The following SCN4A variants were observed in gnomAD, a reference collection of about 807,000 sequenced individuals.
SCN4A encodes sodium channel protein type 4 subunit alpha.
A neutral mutation model predicts 162.0 loss-of-function variants in SCN4A; 83 were observed. That is an observed-to-expected ratio of 0.51 (90% CI 0.43 to 0.61). SCN4A has a LOEUF of 0.61. Among genes scored for constraint, SCN4A ranks in the 20% least tolerant of loss-of-function variants. SCN4A has a pLI of 0.00. For synonymous variants in SCN4A, 944 were observed against 985.1 expected (o/e 0.96, Z 0.78); for missense variants, 2,196 against 2,462.5 (o/e 0.89, Z 2.29).
Position 63,950,588 on chromosome 17 carries a change from T to A in SCN4A, c.2853+836A>T, listed in dbSNP as rs1908876135. Among the ~76,000 whole-genome samples the A allele has an allele frequency of 6.6e-6, 1 of 152,106 alleles. No homozygotes were observed. The highest frequency in any genetic ancestry group is 2.1e-4 in the South Asian group (1 of 4,824). On this transcript the variant is annotated intron_variant, in intron 14 of 23. Transcript: ENST00000435607. This position sits in a 1 kb window ranked among gnomAD's most constrained non-coding sequence, Gnocchi z 4.6. ...GGTAAGCCAGCATATTTGGGGGGAA[T>A]AAGGAGTCAAAAGCTTTCAGGGCAA...
chr17:63,964,764 C>A (rs1432337996), intron 8 of SCN4A, 87 bp from the exon 9 acceptor site: 1 of 1,022,892 alleles, frequency 9.8e-7, no homozygotes, highest in African/African-American at 1.6e-5. Context: ...CCATTGCCCG[C>A]ATGGGTAAGC....
rs979310627 is a variant in SCN4A at position 63,940,304 on chromosome 17, G to A, written c.*467C>T. 1 of 159,956 alleles carries A rather than the reference G, an allele frequency of 6.3e-6. No individual in the cohort carries two copies. The highest frequency in any genetic ancestry group is 1.4e-5 in the Non-Finnish European group (1 of 73,794). The allele number at this position is 159,956 out of a possible 1,614,324, so 9.9% of individuals were successfully genotyped here. ...CTGGGGTTAGGTGTCTGCACTCCCT[G>A]AGGTTAAGACATCTTTGTCTGGGCT... On this transcript the variant is annotated 3_prime_UTR_variant, in exon 24 of 24. Transcript: ENST00000435607.
intron 9 of SCN4A, 138 bp downstream of exon 9, chr17:63,964,330 C>T: frequency 1.5e-6 from 1 of 678,736 alleles, no homozygotes; most frequent in Non-Finnish European, 2.5e-6. Context: ...CAGCCCAGGG[C>T]CTTCTGCTCC....
rs941182298 is a variant in SCN4A, at chr17:63,972,308, C to T, written c.392+44G>A. 1 of 1,595,812 alleles carries T rather than the reference C, an allele frequency of 6.3e-7. No individual in the cohort carries two copies. Among genetic ancestry groups the T allele is most frequent in the Non-Finnish European group, 8.6e-7 (1 of 1,167,502 alleles). ...TCCTGGGCCACAGCACCCCATCTCG[C>T]CCATCCCTAACCCCTCCCGCCTCTC... On this transcript the variant is annotated intron_variant, in intron 2 of 23. Transcript: ENST00000435607. The surrounding 1 kb of genome is among the most constrained non-coding windows in gnomAD (Gnocchi z 4.3).
In SCN4A at chr17:63,945,465, G is replaced by A. The variant is rs1181083611; in HGVS notation, c.3615C>T (p.Asn1205=). The change falls in exon 19 of 24, where the codon AAC becomes AAT. Residue 1205 remains asparagine, a synonymous_variant. Transcript: ENST00000435607. The surrounding 1 kb of genome is among the most constrained non-coding windows in gnomAD (Gnocchi z 4.4). ...GCATGAGGCTCTCGCACTCAGACTT[G>A]TTGTTGACCTCGGAGATGTCGAACC... ...SERFDISEVN[N]KSECESLMHT... is the part of the protein sequence containing the mutation. 6.2e-7 allele frequency: 1 copy of A among 1,613,876 alleles called. No homozygotes were observed. The highest frequency in any genetic ancestry group is 1.3e-5 in the African/African-American group (1 of 74,928).
rs560864367 is a variant in SCN4A at position 63,944,375 on chromosome 17, C to T, written c.3912+298G>A. ...TTTACCACGTTAGCCAGGGTGGTCT[C>T]GAACTCCTGACCTTGTGATCCGCCC... is the stretch of plus-strand genomic sequence containing the variant. On this transcript the variant is annotated intron_variant, in intron 21 of 23. Coordinates refer to ENST00000435607, the MANE Select transcript of SCN4A (RefSeq NM_000334.4). This position sits in a 1 kb window ranked among gnomAD's most constrained non-coding sequence, Gnocchi z 4.3. 2.0e-5 allele frequency among the ~76,000 whole-genome samples: 3 copies of T among 152,148 alleles called. No homozygotes were observed. Among genetic ancestry groups the T allele is most frequent in the South Asian group, 2.1e-4 (1 of 4,818 alleles).
At chr17:63,963,368 A>G (rs1386973855) in intron 10 of SCN4A, among the ~76,000 whole-genome samples, 1 of 152,224 alleles carries the variant, frequency 6.6e-6, no homozygotes, top group African/African-American at 2.4e-5. Context: ...GCCCTCCCGG[A>G]AGCCCCCAGT....
In SCN4A at chr17:63,957,152, C is replaced by T. The variant is rs1194053149; in HGVS notation, c.2376+10G>A. On this transcript the variant is annotated intron_variant, in intron 13 of 23. Coordinates refer to ENST00000435607, the MANE Select transcript of SCN4A (RefSeq NM_000334.4). Reference sequence around the variant, plus strand: ...GTGAGGGCAGGGGCCACCCAGCCAGCCTCACTCACCACAAGATTGCCGATG... The same window carrying T: ...GTGAGGGCAGGGGCCACCCAGCCAGTCTCACTCACCACAAGATTGCCGATG... 45 of 1,553,966 alleles carry T rather than the reference C, an allele frequency of 2.9e-5. No individual in the cohort carries two copies. The highest frequency in any genetic ancestry group is 3.5e-5 in the Non-Finnish European group (40 of 1,142,054).
chr17:63,945,075 T>C lies in SCN4A; in HGVS notation c.3721-15A>G. On this transcript the variant is annotated splice_polypyrimidine_tract_variant and intron_variant, in intron 19 of 23. Transcript: ENST00000435607. This position sits in a 1 kb window ranked among gnomAD's most constrained non-coding sequence, Gnocchi z 4.4. ...TTGAAGGTGGCCTGAGAGAGTGTGG[T>C]TGGGGAGTGAGCCGGGGGGCTGCTC... 6.2e-7 allele frequency: 1 copy of C among 1,611,944 alleles called. No individual in the cohort carries two copies. Among genetic ancestry groups the C allele is most frequent in the Non-Finnish European group, 8.5e-7 (1 of 1,178,992 alleles).
In SCN4A at chr17:63,947,085, A is replaced by G. The variant is rs1214719126; in HGVS notation, c.3401T>C (p.Leu1134Pro). 2.1e-6 allele frequency: 3 copies of G among 1,445,900 alleles called. No individual in the cohort carries two copies. Among genetic ancestry groups the G allele is most frequent in the Non-Finnish European group, 1.9e-6 (2 of 1,075,582 alleles). 89.6% of individuals were successfully genotyped at this position (1,445,900 alleles called of 1,614,324 possible). A position where few individuals can be genotyped will look rare whatever the true frequency, so the allele number is the denominator to read the frequency against. ...PIKSLRTLRA[L>P]RPLRALSRFE... Reference sequence around the variant, plus strand: ...TCGGGACAGTGCCCTCAGGGGACGCAGGGCCCGCAGTGTCCGCAGGGATTT... The same window carrying G: ...TCGGGACAGTGCCCTCAGGGGACGCGGGGCCCGCAGTGTCCGCAGGGATTT... The change falls in exon 18 of 24, where the codon CTG becomes CCG. Residue 1134 changes from leucine (L) to proline (P), a missense_variant. Leu to Pro is a moderately conservative substitution (Grantham distance 98). Coordinates refer to ENST00000435607, the MANE Select transcript of SCN4A (RefSeq NM_000334.4).
Position 63,966,492 on chromosome 17 carries a change from G to A in SCN4A, c.1089C>T (p.Ser363=), listed in dbSNP as rs1300922416. The stretch of plus-strand genomic sequence containing the variant: ...TTAGCATCACTCACCCAGCATCACT[G>A]CTGTTCCCACAGAGCAGGGCATCGT... ...GSNDALLCGN[S]SDAGHCPEGY... is the part of the protein sequence containing the mutation. The change falls in exon 7 of 24, where the codon AGC becomes AGT. Residue 363 remains serine (S), a synonymous_variant. Transcript: ENST00000435607. 2 of 1,613,664 alleles carry A rather than the reference G, an allele frequency of 1.2e-6. No homozygotes were observed. The highest frequency in any genetic ancestry group is 1.3e-5 in the African/African-American group (1 of 74,932).
intron 23 of SCN4A, 92 bp from the exon 24 acceptor site, chr17:63,942,085 G>T: frequency 7.9e-7 from 1 of 1,261,224 alleles, no homozygotes; most frequent in Non-Finnish European, 1.1e-6. Flanking sequence ...GCCCGGCCTG[G>T]TGTGCTCTGC....
chr17:63,946,998 C>G (rs1567818710), intron 18 of SCN4A, 47 bp downstream of exon 18: 1 of 1,507,492 alleles, frequency 6.6e-7, no homozygotes, highest in Non-Finnish European at 9.0e-7. Flanking sequence ...GTGAAGGTGG[C>G]CGGTCCCCCA....
intron 14 of SCN4A, 82 bp from the exon 15 acceptor site, chr17:63,949,610 A>C: frequency 6.9e-7 from 1 of 1,443,894 alleles, no homozygotes; most frequent in Non-Finnish European, 9.3e-7. Flanking sequence ...AGGATGGGAG[A>C]CCAGAAGGGA....
chr17:63,958,296 G>A (rs1909135982), intron 12 of SCN4A, among the ~76,000 whole-genome samples: 1 of 151,928 alleles, frequency 6.6e-6, no homozygotes, highest in Non-Finnish European at 1.5e-5. Context: ...GGTCAAGGCT[G>A]CAGTGAGCAG....
intron 23 of SCN4A, 44 bp downstream of exon 23, chr17:63,942,782 C>A (rs1338729047): frequency 1.3e-6 from 2 of 1,584,592 alleles, no homozygotes; most frequent in Admixed American, 1.7e-5. Context: ...TTCCCGAGTG[C>A]CTCAGCTCAG....
chr17:63,949,345 G>C lies in SCN4A; in HGVS notation c.2989+48C>G, dbSNP rs1379132013. ...CTGGTGTAGCCTGCCCCTTGCAGGG[G>C]CTGCAGGCCTGGGGGAGACACCCAG... On this transcript the variant is annotated intron_variant, in intron 15 of 23. Coordinates refer to ENST00000435607, the MANE Select transcript of SCN4A (RefSeq NM_000334.4). The C allele has an allele frequency of 2.0e-6, 3 of 1,525,744 alleles. No individual in the cohort carries two copies. The African/African-American group carries it at 4.1e-5, about 21-fold the overall frequency. The allele number at this position is 1,525,744 out of a possible 1,614,324, so 94.5% of individuals were successfully genotyped here. A position where few individuals can be genotyped will look rare whatever the true frequency, so the allele number is the denominator to read the frequency against.
intron 13 of SCN4A, among the ~76,000 whole-genome samples, chr17:63,952,867 T>G (rs1371882009): frequency 1.3e-5 from 2 of 152,050 alleles, no homozygotes; most frequent in African/African-American, 4.8e-5. Context: ...AGAGAGCAGA[T>G]CAATCACATG....
In SCN4A at chr17:63,947,197, G is replaced by A. The variant is rs780606748; in HGVS notation, c.3319-30C>T. ...AGGGGAGGGGTGAGGGGATCAGTGC[G>A]TGCAAGGCCCCCAGCCTCCCCTCAA... On this transcript the variant is annotated intron_variant, in intron 17 of 23. Coordinates refer to ENST00000435607, the MANE Select transcript of SCN4A (RefSeq NM_000334.4). 6.1e-5 allele frequency: 99 copies of A among 1,611,502 alleles called. No individual in the cohort carries two copies. The East Asian group carries it at 2.0e-3, about 32-fold the overall frequency.
Sources: allele counts gnomAD v4.1 joint callset (sites outside exome capture counted in the v4.1 genomes callset), GRCh38; gene constraint gnomAD v4.1.1; non-coding constraint Gnocchi (gnomAD v3.1); transcripts MANE v1.5; gene names NCBI Gene and HGNC (gene_info 2026-07-23, HGNC 2026-07-21).